Variants in UBE2H observed in about 807,000 individuals in gnomAD.
UBE2H encodes the protein ubiquitin conjugating enzyme E2 H.
A neutral mutation model predicts 29.0 loss-of-function variants in UBE2H; 3 were observed. The observed-to-expected ratio is 0.10, with a 90% CI of 0.05 to 0.27. The LOEUF is 0.27. UBE2H is among the 10% of genes least tolerant of loss of function. The pLI, the probability that UBE2H is intolerant of heterozygous loss-of-function variation, is 1.00. For synonymous variants in UBE2H, 69 were observed against 82.9 expected (o/e 0.83, Z 0.91); for missense variants, 68 against 228.2 (o/e 0.30, Z 4.52).
chr7:129,850,432 C>A (rs1805588052), intron 5 of UBE2H, among the ~76,000 whole-genome samples: 1 of 152,114 alleles, frequency 6.6e-6, no homozygotes, highest in Non-Finnish European at 1.5e-5. Flanking sequence ...ATGATAAATA[C>A]ATTTAAATCT....
At chr7:129,900,992 C>T (rs1415809296) in intron 1 of UBE2H, among the ~76,000 whole-genome samples, 1 of 152,142 alleles carries the variant, frequency 6.6e-6, no homozygotes, top group African/African-American at 2.4e-5. Flanking sequence ...CCTCATGATC[C>T]ACTCGCCTTG....
Position 129,880,770 on chromosome 7 carries a change from G to A in UBE2H, c.130+125C>T, listed in dbSNP as rs1806237396. Reference sequence around the variant, plus strand: ...GTGATAAGAGAAAGATTTCCTCACTGGTTCTGCAGTCCAACTAAACTTGCT... The same window carrying A: ...GTGATAAGAGAAAGATTTCCTCACTAGTTCTGCAGTCCAACTAAACTTGCT... On this transcript the variant is annotated intron_variant, in intron 2 of 6. Transcript: ENST00000355621. 5 of 701,874 alleles carry A rather than the reference G, an allele frequency of 7.1e-6. No individual in the cohort carries two copies. The South Asian group carries it at 8.1e-5, about 11-fold the overall frequency. The allele number at this position is 701,874 out of a possible 1,614,324, so 43.5% of individuals were successfully genotyped here.
Position 129,834,797 on chromosome 7 carries a change from A to AAT in UBE2H, c.*138_*139dup, listed in dbSNP as rs767224888. ...AATCAAGATCTAAAGGGTGATATAT[A>AAT]ATATATATATATCAATGCTATTATT... On this transcript the variant is annotated 3_prime_UTR_variant, in exon 7 of 7. Transcript: ENST00000355621. The AAT allele has an allele frequency of 2.8e-4, 257 of 920,278 alleles. No homozygotes were observed. The highest frequency in any genetic ancestry group is 6.9e-4 in the Middle Eastern group (2 of 2,890). 57.0% of individuals were successfully genotyped at this position (920,278 alleles called of 1,614,324 possible).
intron 5 of UBE2H, among the ~76,000 whole-genome samples, chr7:129,856,094 G>A (rs576283961): frequency 2.6e-5 from 4 of 152,042 alleles, no homozygotes; most frequent in South Asian, 2.1e-4. Context: ...ATTTTTGAAC[G>A]GCACAATCAG....
intron 1 of UBE2H, among the ~76,000 whole-genome samples, chr7:129,942,476 A>C (rs1028693106): frequency 2.6e-5 from 4 of 152,144 alleles, no homozygotes; most frequent in Admixed American, 1.3e-4. Flanking sequence ...AACAAGAGTG[A>C]AACTCCGTCT....
chr7:129,870,225 G>A (rs1410199846), intron 3 of UBE2H, among the ~76,000 whole-genome samples: 1 of 152,020 alleles, frequency 6.6e-6, no homozygotes. Flanking sequence ...TGGTGCTCCT[G>A]CAATTCTCTT....
At chr7:129,867,208 C>A (rs988768462) in intron 3 of UBE2H, among the ~76,000 whole-genome samples, 1 of 151,942 alleles carries the variant, frequency 6.6e-6, no homozygotes, top group Non-Finnish European at 1.5e-5. Context: ...AGAACATGTG[C>A]CCCATATTTA....
At chr7:129,881,044 T>C (rs1806242828) in intron 1 of UBE2H, 73 bp from the exon 2 acceptor site, 2 of 1,359,110 alleles carry the variant, frequency 1.5e-6, no homozygotes, top group East Asian at 2.4e-5. Flanking sequence ...ACCCCAGGCA[T>C]ATGCCACTTA....
intron 6 of UBE2H, among the ~76,000 whole-genome samples, chr7:129,837,875 C>T (rs888340108): frequency 1.3e-5 from 2 of 152,148 alleles, no homozygotes; most frequent in South Asian, 4.1e-4. Flanking sequence ...TGGAGTGAGC[C>T]ATTCTAAGAT....
chr7:129,948,799 T>C (rs1416326079), intron 1 of UBE2H, among the ~76,000 whole-genome samples: 1 of 152,196 alleles, frequency 6.6e-6, no homozygotes, highest in Admixed American at 6.5e-5. Flanking sequence ...ACTTTTCTGA[T>C]TTAACCTTAA....
chr7:129,922,551 A>G (rs1437767582), intron 1 of UBE2H, among the ~76,000 whole-genome samples: 1 of 152,208 alleles, frequency 6.6e-6, no homozygotes, highest in Non-Finnish European at 1.5e-5. Flanking sequence ...TCCTGAGGTT[A>G]CAGGCATGAG....
intron 1 of UBE2H, among the ~76,000 whole-genome samples, chr7:129,933,225 T>C (rs1400867909): frequency 2.0e-5 from 3 of 152,122 alleles, no homozygotes; most frequent in South Asian, 4.1e-4. Context: ...TGTCACAGAA[T>C]ACAGGTGAAA....
intron 1 of UBE2H, 146 bp downstream of exon 1, chr7:129,952,357 G>A (rs1368681138): frequency 2.0e-6 from 2 of 976,720 alleles, no homozygotes; most frequent in African/African-American, 3.3e-5. Context: ...GAGGTGCCAA[G>A]GAGCCGCCGT....
At chr7:129,873,917 A>G (rs1213222468) in intron 3 of UBE2H, among the ~76,000 whole-genome samples, 1 of 152,190 alleles carries the variant, frequency 6.6e-6, no homozygotes, top group Non-Finnish European at 1.5e-5. Context: ...TGCTCCTAGT[A>G]GAGGGTCCTC....
At chr7:129,866,781 T>A (rs1805912125) in intron 3 of UBE2H, among the ~76,000 whole-genome samples, 1 of 152,238 alleles carries the variant, frequency 6.6e-6, no homozygotes, top group Admixed American at 6.5e-5. Context: ...AATGCCTAAA[T>A]GCCACTGTGT....
rs544729932 is a variant in UBE2H, at chr7:129,939,034, G to C, written c.53+13469C>G. Among the ~76,000 whole-genome samples, 37 of 152,200 alleles carry C rather than the reference G, an allele frequency of 2.4e-4. 1 individual carries two copies. In the Middle Eastern group the frequency reaches 0.014, roughly 56 times the overall value. On this transcript the variant is annotated intron_variant, in intron 1 of 6. Transcript: ENST00000355621. The stretch of plus-strand genomic sequence containing the variant: ...GGCTGGTCTCGAACTCCTGACCTCA[G>C]GTGATCTATCCGCCTTGGCGTCCCA...
intron 5 of UBE2H, among the ~76,000 whole-genome samples, chr7:129,845,118 A>C (rs556913641): frequency 6.6e-6 from 1 of 152,202 alleles, no homozygotes; most frequent in African/African-American, 2.4e-5. Context: ...CAATGGAGTG[A>C]GACTCCCAAA....
intron 1 of UBE2H, among the ~76,000 whole-genome samples, chr7:129,947,400 A>T (rs922883732): frequency 3.3e-5 from 5 of 152,206 alleles, no homozygotes; most frequent in Non-Finnish European, 5.9e-5. Flanking sequence ...GGAAATAAAG[A>T]GGCAAACCAC....
intron 5 of UBE2H, among the ~76,000 whole-genome samples, chr7:129,855,741 C>T (rs1020539542): frequency 2.0e-5 from 3 of 151,942 alleles, no homozygotes; most frequent in South Asian, 4.2e-4. Flanking sequence ...TTATTGAAAA[C>T]GGGGTACTAG....
Sources: allele counts gnomAD v4.1 joint callset (sites outside exome capture counted in the v4.1 genomes callset), GRCh38; gene constraint gnomAD v4.1.1; transcripts MANE v1.5; gene names NCBI Gene and HGNC (gene_info 2026-07-23, HGNC 2026-07-21).